PDE4D: variants seen among roughly 807,000 people sequenced by gnomAD.
PDE4D encodes 3',5'-cyclic-AMP phosphodiesterase 4D.
PDE4D carries 24 observed loss-of-function variants against 87.4 expected under a neutral mutation model. That is an observed-to-expected ratio of 0.27 (90% CI 0.20 to 0.39). PDE4D has a LOEUF of 0.39. PDE4D is among the 10% of genes least tolerant of loss of function. PDE4D has a pLI of 1.00. For missense variants in PDE4D, 714 were observed against 1,041.0 expected, an observed-to-expected ratio of 0.69 and a Z score of 4.32; for synonymous variants, 384 against 383.2, an observed-to-expected ratio of 1.00 and a Z score of -0.02.
intron 2 of PDE4D, among the ~76,000 whole-genome samples, chr5:60,018,912 T>C (rs1333315954): frequency 6.6e-6 from 1 of 152,078 alleles, no homozygotes; most frequent in Non-Finnish European, 1.5e-5. Context: ...ACTGTCAATA[T>C]TAGGCAGATA....
intron 1 of PDE4D, among the ~76,000 whole-genome samples, chr5:59,473,829 G>T (rs893545218): frequency 6.6e-6 from 1 of 152,124 alleles, no homozygotes; most frequent in African/African-American, 2.4e-5. Flanking sequence ...TCAGAAGAAA[G>T]TGACTGAGGA....
At chr5:59,772,686 A>G (rs542902820) in intron 1 of PDE4D, among the ~76,000 whole-genome samples, 1 of 152,344 alleles carries the variant, frequency 6.6e-6, no homozygotes, top group East Asian at 1.9e-4. Flanking sequence ...GGAAGAAATG[A>G]TTTATACTCA....
chr5:59,923,136 A>C (rs1267272341), intron 3 of PDE4D, among the ~76,000 whole-genome samples: 1 of 152,034 alleles, frequency 6.6e-6, no homozygotes, highest in Non-Finnish European at 1.5e-5. Flanking sequence ...TAGAAAAGGG[A>C]GGGAAGAACG....
chr5:60,140,522 A>C (rs1376755225), intron 2 of PDE4D, among the ~76,000 whole-genome samples: 2 of 149,742 alleles, frequency 1.3e-5, no homozygotes, highest in African/African-American at 5.0e-5. Context: ...AGAAAGAAAG[A>C]GAGAGAAAAG....
intron 1 of PDE4D, among the ~76,000 whole-genome samples, chr5:59,872,294 CACACACAA>C (rs1334443341): frequency 1.5e-5 from 2 of 135,574 alleles, no homozygotes; most frequent in Non-Finnish European, 3.1e-5. Context: ...CACACACACA[CACACACAA>C]GAGCACACAG....
chr5:60,063,149 A>AAG (rs1771657318), intron 2 of PDE4D, among the ~76,000 whole-genome samples: 13 of 127,460 alleles, frequency 1.0e-4, no homozygotes, highest in Admixed American at 1.0e-3. Context: ...AAAGAAAGAA[A>AAG]GAAAGAAGGA....
intron 3 of PDE4D, among the ~76,000 whole-genome samples, chr5:59,955,220 A>G (rs1327680680): frequency 6.6e-6 from 1 of 152,194 alleles, no homozygotes; most frequent in Admixed American, 6.5e-5. Context: ...CTTAATACTT[A>G]TTCTTCTCAT....
intron 1 of PDE4D, among the ~76,000 whole-genome samples, chr5:59,742,030 A>C (rs936712094): frequency 1.3e-5 from 2 of 152,016 alleles, no homozygotes; most frequent in African/African-American, 4.8e-5. Context: ...ACTGATATCA[A>C]TTATCATCAT....
intron 1 of PDE4D, among the ~76,000 whole-genome samples, chr5:59,721,974 G>A (rs1755895653): frequency 6.6e-6 from 1 of 152,130 alleles, no homozygotes; most frequent in African/African-American, 2.4e-5. Context: ...GACAAGCCCA[G>A]CCTTTTGACA....
At chr5:59,384,126 G>A (rs1371060904) in intron 1 of PDE4D, among the ~76,000 whole-genome samples, 1 of 151,990 alleles carries the variant, frequency 6.6e-6, no homozygotes, top group Non-Finnish European at 1.5e-5. Flanking sequence ...GGCTGGTCAT[G>A]AACTCCTGGA....
At chr5:59,586,936 C>T (rs909711154) in intron 1 of PDE4D, 35 of 985,374 alleles carry the variant, frequency 3.6e-5, no homozygotes, top group Non-Finnish European at 4.2e-5. Flanking sequence ...CCGTCTGAGA[C>T]GTGTCGGACA....
At chr5:60,031,653 A>C (rs1229464743) in intron 2 of PDE4D, among the ~76,000 whole-genome samples, 1 of 152,242 alleles carries the variant, frequency 6.6e-6, no homozygotes, top group Non-Finnish European at 1.5e-5. Context: ...CTGCTAAACC[A>C]AAGTTTTTTA....
At chr5:60,205,731 CAA>C (rs34124472) in intron 1 of PDE4D, among the ~76,000 whole-genome samples, 91 of 146,180 alleles carry the variant, frequency 6.2e-4, no homozygotes, top group African/African-American at 6.3e-4. Flanking sequence ...ACTAAAAGTA[CAA>C]AAAAAAAAAA....
intron 1 of PDE4D, among the ~76,000 whole-genome samples, chr5:60,447,404 C>T (rs1468384241): frequency 6.6e-6 from 1 of 152,088 alleles, no homozygotes; most frequent in African/African-American, 2.4e-5. Flanking sequence ...ACTTAGTTTG[C>T]CTTTGCAGGT....
chr5:60,193,437 G>A (rs1051565916), intron 1 of PDE4D, among the ~76,000 whole-genome samples: 5 of 152,066 alleles, frequency 3.3e-5, no homozygotes, highest in Non-Finnish European at 7.4e-5. Context: ...TTGGGAGGCC[G>A]AGGCGGGTGG....
At chr5:59,148,533 T>C (rs1365418151) in intron 5 of PDE4D, among the ~76,000 whole-genome samples, 4 of 152,108 alleles carry the variant, frequency 2.6e-5, no homozygotes, top group Non-Finnish European at 4.4e-5. Flanking sequence ...GAAATGATGA[T>C]GTAGAGAGAA....
chr5:58,996,412 C>T (rs1199604575), intron 6 of PDE4D, among the ~76,000 whole-genome samples: 2 of 152,086 alleles, frequency 1.3e-5, no homozygotes, highest in Non-Finnish European at 2.9e-5. Context: ...TCTCTTTGAC[C>T]TAAAATTGTT....
chr5:59,128,510 A>T (rs1775824853), intron 5 of PDE4D, among the ~76,000 whole-genome samples: 2 of 152,134 alleles, frequency 1.3e-5, no homozygotes, highest in Admixed American at 6.5e-5. Flanking sequence ...GGGATGATGA[A>T]CTTTCTCCAT....
chr5:60,129,034 C>T (rs1779357932), intron 2 of PDE4D, among the ~76,000 whole-genome samples: 1 of 152,138 alleles, frequency 6.6e-6, no homozygotes, highest in African/African-American at 2.4e-5. Flanking sequence ...AAAAAGCAAA[C>T]TCAAATTTTG....
Sources: gnomAD v4.1 joint callset for allele counts (sites outside exome capture counted in the v4.1 genomes callset) on GRCh38, gnomAD v4.1.1 for gene constraint, MANE v1.5 for transcripts, NCBI Gene and HGNC (gene_info 2026-07-23, HGNC 2026-07-21) for gene names.